Variants in CDH20 observed in about 807,000 individuals in gnomAD.
The protein encoded by CDH20 is cadherin 20.
In CDH20, 29 loss-of-function variants were observed where a neutral mutation model predicts 74.2. That is an observed-to-expected ratio of 0.39 (90% CI 0.29 to 0.53). The LOEUF (loss-of-function observed/expected upper bound fraction) is 0.53. CDH20 is among the 20% of genes least tolerant of loss of function. CDH20 has a pLI of 0.69. For synonymous variants in CDH20, 469 were observed against 405.4 expected (o/e 1.16, Z -1.88); for missense variants, 988 against 1,048.3 (o/e 0.94, Z 0.79).
chr18:61,453,495 G>A (rs1289391725), intron 1 of CDH20, among the ~76,000 whole-genome samples: 1 of 152,082 alleles, frequency 6.6e-6, no homozygotes, highest in Non-Finnish European at 1.5e-5. Context: ...TGACCAGGCT[G>A]GTCTCAAACT....
chr18:61,536,580 C>T lies in CDH20; in HGVS notation c.1359C>T (p.Asp453=), dbSNP rs1019753038. ...TGALMTARPL[D]REEFSWHNIT... is the part of the protein sequence containing the mutation. Reference sequence around the variant, plus strand: ...CCCTAATGACAGCAAGACCCCTAGACCGGGAAGAATTTTCTTGGCATAATA... The same window carrying T: ...CCCTAATGACAGCAAGACCCCTAGATCGGGAAGAATTTTCTTGGCATAATA... The change falls in exon 8 of 12, where the codon GAC becomes GAT. Residue 453 remains aspartate, a synonymous_variant. Coordinates refer to ENST00000262717, the MANE Select transcript of CDH20 (RefSeq NM_031891.4). The T allele has an allele frequency of 3.1e-6, 5 of 1,613,714 alleles. No individual in the cohort carries two copies. The African/African-American group carries it at 5.3e-5, about 17-fold the overall frequency.
chr18:61,525,658 T>C (rs1395730641), intron 6 of CDH20, among the ~76,000 whole-genome samples: 2 of 152,116 alleles, frequency 1.3e-5, no homozygotes, highest in Admixed American at 6.5e-5. Context: ...GGAAGCACTA[T>C]GTCTGCTACT....
chr18:61,336,486 G>A (rs1269063822), intron 1 of CDH20, among the ~76,000 whole-genome samples: 1 of 152,144 alleles, frequency 6.6e-6, no homozygotes, highest in Non-Finnish European at 1.5e-5. Flanking sequence ...AGCTGTTGGT[G>A]GATTTAAGTA....
chr18:61,545,161 T>G lies in CDH20; in HGVS notation c.1648+17T>G. On this transcript the variant is annotated intron_variant, in intron 10 of 11. Coordinates refer to ENST00000262717, the MANE Select transcript of CDH20 (RefSeq NM_031891.4). ...ACAACCAAGGTAATCAGGTGGATGG[T>G]TGGCTATCTGTGCTTTTCTACAGCA... is the stretch of plus-strand genomic sequence containing the variant. 1 of 1,527,376 alleles carries G rather than the reference T, an allele frequency of 6.5e-7. No individual in the cohort carries two copies. Among genetic ancestry groups the G allele is most frequent in the Non-Finnish European group, 9.1e-7 (1 of 1,100,846 alleles). The allele number at this position is 1,527,376 out of a possible 1,614,324, so 94.6% of individuals were successfully genotyped here. A position where few individuals can be genotyped will look rare whatever the true frequency, so the allele number is the denominator to read the frequency against.
Position 61,536,467 on chromosome 18 carries a change from GATGTACGTAATCC to G in CDH20, c.1272-21_1272-9del. 5.0e-6 allele frequency: 8 copies of G among 1,609,630 alleles called. No individual in the cohort carries two copies. Among genetic ancestry groups the G allele is most frequent in the Non-Finnish European group, 6.8e-6 (8 of 1,176,308 alleles). ...GTCATATGCTTACCCAAATGCAAAT[GATGTACGTAATCC>G]ATGTTTCTGCAGATACTCCATTGAT... On this transcript the variant is annotated splice_polypyrimidine_tract_variant and intron_variant, in intron 7 of 11. Coordinates refer to ENST00000262717, the MANE Select transcript of CDH20 (RefSeq NM_031891.4).
At chr18:61,374,622 T>C (rs1421321637) in intron 1 of CDH20, among the ~76,000 whole-genome samples, 5 of 152,194 alleles carry the variant, frequency 3.3e-5, no homozygotes, top group African/African-American at 4.8e-5. Flanking sequence ...TCAAAACTTA[T>C]ATGAAATTTT....
chr18:61,385,745 C>A (rs976135375), intron 1 of CDH20, among the ~76,000 whole-genome samples: 1 of 152,096 alleles, frequency 6.6e-6, no homozygotes, highest in East Asian at 1.9e-4. Context: ...AGCTGGCCAA[C>A]ATGGTGAAAC....
Position 61,500,519 on chromosome 18 carries a change from T to A in CDH20, c.661+17T>A, listed in dbSNP as rs775926736. 6.2e-7 allele frequency: 1 copy of A among 1,602,624 alleles called. No homozygotes were observed. Among genetic ancestry groups the A allele is most frequent in the South Asian group, 1.1e-5 (1 of 88,734 alleles). On this transcript the variant is annotated intron_variant, in intron 4 of 11. Transcript: ENST00000262717. ...CTAAAACAGGTATCTGATACAAGGG[T>A]CGAGTCAGAGGTGTTTATTCCCTGA...
At chr18:61,432,655 T>C (rs532460750) in intron 1 of CDH20, among the ~76,000 whole-genome samples, 8 of 152,190 alleles carry the variant, frequency 5.3e-5, no homozygotes, top group Non-Finnish European at 1.0e-4. Context: ...TTGAACTGCA[T>C]TCAATGCCAC....
At chr18:61,476,553 G>C (rs1222112875) in intron 1 of CDH20, among the ~76,000 whole-genome samples, 2 of 152,130 alleles carry the variant, frequency 1.3e-5, no homozygotes, top group African/African-American at 4.8e-5. Context: ...ATATGATTTA[G>C]TGCCAAAATG....
At chr18:61,388,154 G>A (rs1457807551) in intron 1 of CDH20, among the ~76,000 whole-genome samples, 2 of 152,162 alleles carry the variant, frequency 1.3e-5, no homozygotes, top group Non-Finnish European at 2.9e-5. Context: ...GGCGCCATGA[G>A]GATGAGTGAG....
At chr18:61,464,066 A>G (rs982785718) in intron 1 of CDH20, among the ~76,000 whole-genome samples, 4 of 152,218 alleles carry the variant, frequency 2.6e-5, no homozygotes, top group Non-Finnish European at 2.9e-5. Context: ...CCCTATTAAA[A>G]GTAACACCAG....
chr18:61,515,479 G>C (rs1396275798), intron 6 of CDH20, among the ~76,000 whole-genome samples: 6 of 152,082 alleles, frequency 3.9e-5, no homozygotes, highest in Non-Finnish European at 7.3e-5. Flanking sequence ...CTCACGCTGG[G>C]AGCTGTAGAC....
At chr18:61,389,583 C>A (rs868486680) in intron 1 of CDH20, among the ~76,000 whole-genome samples, 1 of 152,106 alleles carries the variant, frequency 6.6e-6, no homozygotes. Flanking sequence ...GCTTTCAGCC[C>A]CATAAAATTC....
rs529538023 is a variant in CDH20 at position 61,353,906 on chromosome 18, A to T, written c.-153+20079A>T. Among the ~76,000 whole-genome samples, 7 of 152,096 alleles carry T rather than the reference A, an allele frequency of 4.6e-5. 1 individual carries two copies. The highest frequency in any genetic ancestry group is 1.7e-4 in the African/African-American group (7 of 41,514). On this transcript the variant is annotated intron_variant, in intron 1 of 11. Transcript: ENST00000262717. The surrounding 1 kb of genome is among the most constrained non-coding windows in gnomAD (Gnocchi z 4.6). ...TAACCAGCCTGGGCAACATAGCAAAACCCCATCTCTACCAAAAATACAAAA... is the reference window on the plus strand; with the variant it reads ...TAACCAGCCTGGGCAACATAGCAAATCCCCATCTCTACCAAAAATACAAAA...
intron 7 of CDH20, among the ~76,000 whole-genome samples, chr18:61,531,418 A>G (rs997237650): frequency 1.2e-4 from 18 of 152,214 alleles, no homozygotes; most frequent in Non-Finnish European, 2.9e-5. Context: ...CGTGGACCAC[A>G]TGGCTGGCTC....
Position 61,554,414 on chromosome 18 carries a change from T to A in CDH20, c.2125T>A (p.Ser709Thr), listed in dbSNP as rs776554015. The A allele has an allele frequency of 1.2e-6, 2 of 1,612,938 alleles. No homozygotes were observed. The highest frequency in any genetic ancestry group is 1.1e-5 in the South Asian group (1 of 91,058). Reference protein sequence around the residue: ...QDMLPEIESLSRYVPQTCAVN... With the variant: ...QDMLPEIESLTRYVPQTCAVN... Reference sequence around the variant, plus strand: ...CATGCTGCCCGAGATCGAGAGCCTCTCCCGCTACGTGCCTCAGACGTGCGC... The same window carrying A: ...CATGCTGCCCGAGATCGAGAGCCTCACCCGCTACGTGCCTCAGACGTGCGC... Residue 709 changes from serine (S) to threonine (T), a missense_variant, in exon 12 of 12, where the codon TCC (serine) becomes ACC (threonine). Physicochemically the swap from Ser to Thr is moderately conservative, Grantham distance 58. Transcript: ENST00000262717.
chr18:61,352,231 C>G (rs1910328853), intron 1 of CDH20, among the ~76,000 whole-genome samples: 1 of 152,162 alleles, frequency 6.6e-6, no homozygotes, highest in Non-Finnish European at 1.5e-5. Context: ...TTTGTGACAG[C>G]AACTGGTATT....
At chr18:61,443,742 G>A (rs1355334148) in intron 1 of CDH20, among the ~76,000 whole-genome samples, 2 of 152,098 alleles carry the variant, frequency 1.3e-5, no homozygotes, top group South Asian at 2.1e-4. Flanking sequence ...GCATAAGCTC[G>A]TTATCCCACT....
Sources: allele counts gnomAD v4.1 joint callset (sites outside exome capture counted in the v4.1 genomes callset), GRCh38; gene constraint gnomAD v4.1.1; non-coding constraint Gnocchi (gnomAD v3.1); transcripts MANE v1.5; gene names NCBI Gene and HGNC (gene_info 2026-07-23, HGNC 2026-07-21).